Variants in LRP1B observed in about 807,000 individuals in gnomAD.
The protein encoded by LRP1B is low-density lipoprotein receptor-related protein 1B.
Under a neutral mutation model 556.6 loss-of-function variants are expected in LRP1B, and 217 were observed. That is an observed-to-expected ratio of 0.39 (90% CI 0.35 to 0.44). The LOEUF (loss-of-function observed/expected upper bound fraction) is 0.44, where lower values mean the gene tolerates loss of function less well. Ranked by LOEUF, LRP1B falls within the 20% of genes least tolerant of loss-of-function variation. The pLI, the probability that LRP1B is intolerant of heterozygous loss-of-function variation, is 1.00. For synonymous variants in LRP1B, 2,047 were observed against 1,865.8 expected, an observed-to-expected ratio of 1.10 and a Z score of -2.50; for missense variants, 5,053 against 5,620.8, an observed-to-expected ratio of 0.90 and a Z score of 3.23.
At chr2:140,731,095 A>C (rs1046943974) in intron 35 of LRP1B, among the ~76,000 whole-genome samples, 3 of 152,160 alleles carry the variant, frequency 2.0e-5, no homozygotes, top group African/African-American at 4.8e-5. Context: ...CTTTAGTAGG[A>C]AACTATTACT....
intron 79 of LRP1B, among the ~76,000 whole-genome samples, chr2:140,329,066 G>GTAGTT (rs1321397811): frequency 2.6e-5 from 4 of 152,022 alleles, no homozygotes; most frequent in African/African-American, 9.7e-5. Context: ...ATCAAGGAAT[G>GTAGTT]TAGTTTGAAA....
intron 81 of LRP1B, 98 bp downstream of exon 81, chr2:140,323,795 G>A (rs1363827784): frequency 3.5e-6 from 2 of 578,646 alleles, no homozygotes; most frequent in Non-Finnish European, 5.7e-6. Flanking sequence ...CTGAGGTTAA[G>A]ACATTTACAT....
chr2:141,892,297 T>C (rs1699315111), intron 1 of LRP1B, among the ~76,000 whole-genome samples: 1 of 151,958 alleles, frequency 6.6e-6, no homozygotes, highest in Non-Finnish European at 1.5e-5. Flanking sequence ...TGGGATCCAA[T>C]ATTTCATCCA....
At chr2:141,128,221 A>G (rs1429050357) in intron 7 of LRP1B, among the ~76,000 whole-genome samples, 1 of 152,104 alleles carries the variant, frequency 6.6e-6, no homozygotes, top group Non-Finnish European at 1.5e-5. Flanking sequence ...GTCTTTTTAG[A>G]TTTTTATTTT....
intron 25 of LRP1B, among the ~76,000 whole-genome samples, chr2:140,879,398 A>T (rs2105178553): frequency 6.6e-6 from 1 of 152,274 alleles, no homozygotes; most frequent in South Asian, 2.1e-4. Context: ...TTTCTTCATT[A>T]AACCTAGCAG....
chr2:140,823,020 A>C (rs1196051732), intron 31 of LRP1B, among the ~76,000 whole-genome samples: 2 of 152,218 alleles, frequency 1.3e-5, no homozygotes, highest in East Asian at 3.9e-4. Flanking sequence ...CACTATGATT[A>C]TATTATTTTT....
chr2:141,887,353 A>G (rs1000269886), intron 1 of LRP1B, among the ~76,000 whole-genome samples: 7 of 152,148 alleles, frequency 4.6e-5, no homozygotes, highest in African/African-American at 1.7e-4. Context: ...ATGAACAGGA[A>G]TGGCATTCCA....
chr2:140,580,054 T>C (rs1191062417), intron 43 of LRP1B, among the ~76,000 whole-genome samples: 4 of 152,170 alleles, frequency 2.6e-5, no homozygotes, highest in Non-Finnish European at 2.9e-5. Flanking sequence ...CCATCAGCTC[T>C]CATGGCATTG....
intron 3 of LRP1B, among the ~76,000 whole-genome samples, chr2:141,475,797 G>A (rs552965907): frequency 2.0e-5 from 3 of 152,174 alleles, no homozygotes; most frequent in East Asian, 1.9e-4. Flanking sequence ...CAGGACAGCC[G>A]AACTCCAAGG....
chr2:140,557,616 T>C (rs982957044), intron 43 of LRP1B, among the ~76,000 whole-genome samples: 3 of 152,170 alleles, frequency 2.0e-5, no homozygotes, highest in Non-Finnish European at 4.4e-5. Flanking sequence ...CCGTTCTCTC[T>C]GTGCTAGCCA....
intron 18 of LRP1B, among the ~76,000 whole-genome samples, chr2:140,958,520 A>C (rs1305499541): frequency 2.0e-5 from 3 of 151,562 alleles, no homozygotes; most frequent in Admixed American, 6.6e-5. Context: ...TCAGAGTTTA[A>C]GAACAATATA....
intron 22 of LRP1B, among the ~76,000 whole-genome samples, chr2:140,906,046 C>T (rs1172407321): frequency 6.6e-6 from 1 of 152,144 alleles, no homozygotes; most frequent in Non-Finnish European, 1.5e-5. Flanking sequence ...AAAAGGCAAT[C>T]TAATCCTTTG....
At chr2:141,900,978 G>T (rs1006232352) in intron 1 of LRP1B, among the ~76,000 whole-genome samples, 1 of 151,922 alleles carries the variant, frequency 6.6e-6, no homozygotes, top group Non-Finnish European at 1.5e-5. Context: ...GCAGCTTCTT[G>T]ACTTGGTGTA....
At chr2:140,319,674 T>C (rs571019530) in intron 82 of LRP1B, among the ~76,000 whole-genome samples, 5 of 152,148 alleles carry the variant, frequency 3.3e-5, no homozygotes, top group Non-Finnish European at 5.9e-5. Flanking sequence ...TAATGGATAC[T>C]AGGCTTAATA....
At chr2:141,429,433 G>T (rs1289989088) in intron 3 of LRP1B, among the ~76,000 whole-genome samples, 1 of 152,146 alleles carries the variant, frequency 6.6e-6, no homozygotes, top group South Asian at 2.1e-4. Flanking sequence ...ATTCCAGGTT[G>T]ATTACTTTTG....
chr2:141,660,720 C>T (rs966114816), intron 2 of LRP1B, among the ~76,000 whole-genome samples: 2 of 152,158 alleles, frequency 1.3e-5, no homozygotes, highest in Non-Finnish European at 2.9e-5. Context: ...GTGGTCTCCA[C>T]GGATCAGCAG....
intron 35 of LRP1B, among the ~76,000 whole-genome samples, chr2:140,717,289 C>T (rs1342425260): frequency 3.3e-5 from 5 of 151,978 alleles, no homozygotes; most frequent in African/African-American, 9.7e-5. Context: ...AACATAAGAG[C>T]ATTTCAATTA....
chr2:141,259,007 G>T (rs1684587289), intron 3 of LRP1B, among the ~76,000 whole-genome samples: 1 of 152,154 alleles, frequency 6.6e-6, no homozygotes, highest in African/African-American at 2.4e-5. Flanking sequence ...AGGAGGAAAA[G>T]TTGCAAAAGA....
At chr2:141,307,623 T>G (rs1686642655) in intron 3 of LRP1B, among the ~76,000 whole-genome samples, 1 of 152,162 alleles carries the variant, frequency 6.6e-6, no homozygotes, top group African/African-American at 2.4e-5. Context: ...AAGGTTAGGA[T>G]GCAGTTGTTA....
Sources: gnomAD v4.1 joint callset for allele counts (sites outside exome capture counted in the v4.1 genomes callset) on GRCh38, gnomAD v4.1.1 for gene constraint, MANE v1.5 for transcripts, NCBI Gene and HGNC (gene_info 2026-07-23, HGNC 2026-07-21) for gene names.